The following FOXJ3 variants were observed in gnomAD, a reference collection of about 807,000 sequenced individuals.
FOXJ3 encodes forkhead box protein J3.
FOXJ3 carries 22 observed loss-of-function variants against 76.1 expected under a neutral mutation model. The observed-to-expected ratio is 0.29, with a 90% CI of 0.21 to 0.41. The LOEUF (loss-of-function observed/expected upper bound fraction) is 0.41. FOXJ3 is among the 10% of genes least tolerant of loss of function. The probability of loss-of-function intolerance (pLI) is 1.00; values close to 1 mark genes in which losing one functional copy is unlikely to be tolerated. For missense variants in FOXJ3, 613 were observed against 762.1 expected (o/e 0.80, Z 2.30); for synonymous variants, 269 against 261.2 (o/e 1.03, Z -0.29).
intron 3 of FOXJ3, among the ~76,000 whole-genome samples, chr1:42,271,307 A>AT (rs549035064): frequency 1.4e-4 from 21 of 148,082 alleles, no homozygotes; most frequent in East Asian, 1.4e-3. Context: ...ATCCCTTTTC[A>AT]TTTTTTTTTT....
chr1:42,201,159 T>C (rs951046211), intron 6 of FOXJ3, among the ~76,000 whole-genome samples: 9 of 152,224 alleles, frequency 5.9e-5, no homozygotes, highest in African/African-American at 2.2e-4. Flanking sequence ...GCTTTATCCG[T>C]AGATTCTTTT....
intron 2 of FOXJ3, among the ~76,000 whole-genome samples, chr1:42,298,294 C>A (rs190206586): frequency 6.6e-6 from 1 of 152,302 alleles, no homozygotes; most frequent in East Asian, 1.9e-4. Context: ...TTTATATCAG[C>A]ATGAGAACAG....
chr1:42,322,612 A>T (rs944013215), intron 1 of FOXJ3, among the ~76,000 whole-genome samples: 2 of 152,084 alleles, frequency 1.3e-5, no homozygotes, highest in Non-Finnish European at 2.9e-5. Context: ...ATACCAATGG[A>T]TAATTAATTT....
Position 42,195,076 on chromosome 1 carries a change from A to C in FOXJ3, c.760-12T>G, listed in dbSNP as rs1432451976. The C allele has an allele frequency of 6.3e-7, 1 of 1,585,060 alleles. No homozygotes were observed. Among genetic ancestry groups the C allele is most frequent in the Admixed American group, 1.9e-5 (1 of 52,974 alleles). On this transcript the variant is annotated splice_polypyrimidine_tract_variant and intron_variant, in intron 7 of 12. Coordinates refer to ENST00000361346, the MANE Select transcript of FOXJ3 (RefSeq NM_014947.5). Reference sequence around the variant, plus strand: ...GGATGGCTTGTCACCTAACATTAAAAGAAAACACAACTAATTCAGCCTCTC... The same window carrying C: ...GGATGGCTTGTCACCTAACATTAAACGAAAACACAACTAATTCAGCCTCTC...
chr1:42,231,586 A>G (rs1396019658), intron 4 of FOXJ3, among the ~76,000 whole-genome samples: 3 of 152,220 alleles, frequency 2.0e-5, no homozygotes, highest in Non-Finnish European at 2.9e-5. Context: ...AATGAACTTA[A>G]TATTACTGAA....
At chr1:42,258,163 T>G (rs1248025930) in intron 4 of FOXJ3, among the ~76,000 whole-genome samples, 2 of 152,246 alleles carry the variant, frequency 1.3e-5, no homozygotes, top group Admixed American at 6.5e-5. Flanking sequence ...TCTCAGGAGC[T>G]GGATTCCTCT....
intron 5 of FOXJ3, among the ~76,000 whole-genome samples, chr1:42,221,867 C>T (rs1647192734): frequency 1.4e-5 from 2 of 141,782 alleles, no homozygotes; most frequent in South Asian, 2.3e-4. Context: ...AATCCCAGTA[C>T]TTTGGGGGGC....
At position 42,277,568 on chromosome 1, in the gene FOXJ3, C is replaced by T. The variant is rs1174569860; in HGVS notation, c.369+780G>A. ...ATCCCAGCACTTTGGGAGGCCGAGGCGGGCGGATCACGAGGTCAGGAGATC... is the reference window on the plus strand; with the variant it reads ...ATCCCAGCACTTTGGGAGGCCGAGGTGGGCGGATCACGAGGTCAGGAGATC... On this transcript the variant is annotated intron_variant, in intron 3 of 12. Coordinates refer to ENST00000361346, the MANE Select transcript of FOXJ3 (RefSeq NM_014947.5). Among the ~76,000 whole-genome samples, 5 of 25,078 alleles carry T rather than the reference C, an allele frequency of 2.0e-4. 2 individuals carry two copies. Among genetic ancestry groups the T allele is most frequent in the African/African-American group, 5.7e-4 (5 of 8,796 alleles). 16.5% of individuals were successfully genotyped at this position (25,078 alleles called of 152,430 possible).
rs186700941 is a variant in FOXJ3 at position 42,327,573 on chromosome 1, A to T, written c.-18+7486T>A. On this transcript the variant is annotated intron_variant, in intron 1 of 12. Transcript: ENST00000361346. ...TCTGTAAGCAAACAAAATTTGCAAC[A>T]GTTAGTAAGTTCTAGCAGTCTTTCC... Among the ~76,000 whole-genome samples, 262 of 152,344 alleles carry T rather than the reference A, an allele frequency of 1.7e-3. 2 individuals are homozygous for T. The highest frequency in any genetic ancestry group is 0.016 in the Admixed American group (243 of 15,306).
At chr1:42,300,821 C>T (rs113952081) in intron 2 of FOXJ3, among the ~76,000 whole-genome samples, 1,898 of 152,182 alleles carry the variant, frequency 0.012, 34 homozygotes, top group African/African-American at 0.043. Context: ...TCTTTAAGGC[C>T]GCTAAAAATA....
chr1:42,227,780 C>CCAT, intron 5 of FOXJ3, 103 bp downstream of exon 5: 1 of 533,866 alleles, frequency 1.9e-6, no homozygotes, highest in Non-Finnish European at 3.3e-6. Flanking sequence ...TAAAATCTTA[C>CCAT]CATCATTATA....
At position 42,306,298 on chromosome 1, in the gene FOXJ3, C is replaced by CTTTTTTTTTTTTTTTTTTTT. The variant is rs9326121; in HGVS notation, c.44+4732_44+4751dup. 3.3e-4 allele frequency among the ~76,000 whole-genome samples: 27 copies of CTTTTTTTTTTTTTTTTTTTT among 81,670 alleles called. 1 individual carries two copies. The highest frequency in any genetic ancestry group is 4.7e-4 in the South Asian group (1 of 2,108). 53.6% of individuals were successfully genotyped at this position (81,670 alleles called of 152,430 possible). On this transcript the variant is annotated intron_variant, in intron 2 of 12. Transcript: ENST00000361346. ...CATCCATCACTCTCTGAACTTTTTTCTTTTTTTTTTTTTTTTTTTTTTTGG... is the reference window on the plus strand; with the variant it reads ...CATCCATCACTCTCTGAACTTTTTTCTTTTTTTTTTTTTTTTTTTTTTTTTTTTTTTTTTTTTTTTTTTGG...
intron 3 of FOXJ3, among the ~76,000 whole-genome samples, chr1:42,265,891 T>C (rs1651428556): frequency 1.3e-5 from 2 of 152,132 alleles, no homozygotes; most frequent in African/African-American, 4.8e-5. Context: ...AGCAGGAAAA[T>C]GCCCTTGGAA....
In FOXJ3 at chr1:42,200,808, G is replaced by C. The variant is rs140318533; in HGVS notation, c.631-1578C>G. 2.6e-3 allele frequency among the ~76,000 whole-genome samples: 395 copies of C among 152,024 alleles called. 3 individuals are homozygous for C. The highest frequency in any genetic ancestry group is 9.1e-3 in the African/African-American group (377 of 41,480). On this transcript the variant is annotated intron_variant, in intron 6 of 12. Transcript: ENST00000361346. The stretch of plus-strand genomic sequence containing the variant: ...TTCAATATTTCCTTTAGCTACCGTT[G>C]GTCATTTAGATTCTCATTTTTGTTT...
Position 42,188,730 on chromosome 1 carries a change from C to G in FOXJ3, c.1645+7G>C. ...GAGAAAAATCAAGAAGATAACTAAC[C>G]CCATACCTGTTCCAATGTGTTGGGA... On this transcript the variant is annotated splice_region_variant and intron_variant, in intron 11 of 12. Coordinates refer to ENST00000361346, the MANE Select transcript of FOXJ3 (RefSeq NM_014947.5). 1.9e-6 allele frequency: 3 copies of G among 1,553,088 alleles called. No homozygotes were observed. In the South Asian group the frequency reaches 3.7e-5, roughly 19 times the overall value.
chr1:42,181,865 TCACACACA>T lies in FOXJ3; in HGVS notation c.1753+44_1753+51del, dbSNP rs143175153. 341 of 964,298 alleles carry T rather than the reference TCACACACA, an allele frequency of 3.5e-4. 2 individuals carry two copies. Among genetic ancestry groups the T allele is most frequent in the Admixed American group, 1.4e-4 (6 of 43,630 alleles). The allele number at this position is 964,298 out of a possible 1,614,324, so 59.7% of individuals were successfully genotyped here. A position where few individuals can be genotyped will look rare whatever the true frequency, so the allele number is the denominator to read the frequency against. On this transcript the variant is annotated intron_variant, in intron 12 of 12. Transcript: ENST00000361346. The stretch of plus-strand genomic sequence containing the variant: ...CCTGCCATCGTTGTTCCTGGAGTGC[TCACACACA>T]CACACACACACACACACACACTCAC...
chr1:42,189,157 G>A (rs1646493983), intron 10 of FOXJ3, 146 bp downstream of exon 10: 2 of 670,206 alleles, frequency 3.0e-6, no homozygotes, highest in Non-Finnish European at 5.0e-6. Flanking sequence ...GCTATACCAA[G>A]TGGCCAAAAT....
chr1:42,188,984 G>T, intron 10 of FOXJ3, 56 bp from the exon 11 acceptor site: 1 of 1,141,772 alleles, frequency 8.8e-7, no homozygotes, highest in Non-Finnish European at 1.2e-6. Flanking sequence ...ACATTGCAAG[G>T]AAAATAGCAA....
chr1:42,201,879 T>C (rs1421158734), intron 6 of FOXJ3, among the ~76,000 whole-genome samples: 1 of 152,170 alleles, frequency 6.6e-6, no homozygotes, highest in African/African-American at 2.4e-5. Context: ...TTTTTAATTA[T>C]GGGTTTAATA....
Sources: allele counts gnomAD v4.1 joint callset (sites outside exome capture counted in the v4.1 genomes callset), GRCh38; gene constraint gnomAD v4.1.1; transcripts MANE v1.5; gene names NCBI Gene and HGNC (gene_info 2026-07-23, HGNC 2026-07-21).